Variants in ZNF804A observed in about 807,000 individuals in gnomAD.
ZNF804A encodes the protein zinc finger protein 804A.
ZNF804A carries 2 observed loss-of-function variants against 16.5 expected under a neutral mutation model. The observed-to-expected ratio is 0.12, with a 90% CI of 0.05 to 0.38. The LOEUF is 0.38. Ranked by LOEUF, ZNF804A falls within the 10% of genes least tolerant of loss-of-function variation. ZNF804A has a pLI of 0.99. For synonymous variants in ZNF804A, 534 were observed against 489.6 expected, an observed-to-expected ratio of 1.09 and a Z score of -1.20; for missense variants, 1,473 against 1,390.7, an observed-to-expected ratio of 1.06 and a Z score of -0.94.
chr2:184,869,423 G>A (rs911058867), intron 2 of ZNF804A, among the ~76,000 whole-genome samples: 1 of 151,890 alleles, frequency 6.6e-6, no homozygotes, highest in African/African-American at 2.4e-5. Context: ...AAAAAGGGAG[G>A]AGGATTTATT....
At chr2:184,612,188 T>C (rs1209202175) in intron 1 of ZNF804A, among the ~76,000 whole-genome samples, 1 of 152,178 alleles carries the variant, frequency 6.6e-6, no homozygotes, top group Non-Finnish European at 1.5e-5. Flanking sequence ...TGAAATAATA[T>C]GTGAAATTTT....
chr2:184,603,122 A>G (rs1419292138), intron 1 of ZNF804A, among the ~76,000 whole-genome samples: 6 of 152,188 alleles, frequency 3.9e-5, no homozygotes, highest in African/African-American at 1.2e-4. Context: ...ATGTTCCGCA[A>G]GAAAAGAACT....
At chr2:184,892,537 T>G (rs1336514008) in intron 2 of ZNF804A, among the ~76,000 whole-genome samples, 2 of 139,224 alleles carry the variant, frequency 1.4e-5, no homozygotes, top group Non-Finnish European at 3.0e-5. Context: ...TAGGCTGGAG[T>G]GCAGTGGCTC....
intron 2 of ZNF804A, among the ~76,000 whole-genome samples, chr2:184,894,433 T>C (rs1685034151): frequency 6.6e-6 from 1 of 152,104 alleles, no homozygotes. Flanking sequence ...ATTTTTACTA[T>C]TAAAAATTTT....
At chr2:184,720,880 C>T (rs1289288766) in intron 1 of ZNF804A, among the ~76,000 whole-genome samples, 2 of 152,056 alleles carry the variant, frequency 1.3e-5, no homozygotes, top group Non-Finnish European at 2.9e-5. Flanking sequence ...CAGCATAATA[C>T]TGATACAAAA....
intron 2 of ZNF804A, among the ~76,000 whole-genome samples, chr2:184,867,536 G>A (rs1318133431): frequency 6.6e-6 from 1 of 152,060 alleles, no homozygotes; most frequent in African/African-American, 2.4e-5. Context: ...AGAGGATGGT[G>A]TAGGGAAGAA....
chr2:184,649,804 A>T (rs1691949501), intron 1 of ZNF804A, among the ~76,000 whole-genome samples: 2 of 150,376 alleles, frequency 1.3e-5, no homozygotes, highest in African/African-American at 4.9e-5. Flanking sequence ...AAATTGAATC[A>T]ATTATTTAAA....
intron 1 of ZNF804A, among the ~76,000 whole-genome samples, chr2:184,649,399 AAAGCTACCAG>A (rs1219406352): frequency 6.6e-6 from 1 of 152,130 alleles, no homozygotes; most frequent in African/African-American, 2.4e-5. Context: ...AACTAACCCC[AAAGCTACCAG>A]ATGAAAAGAA....
intron 1 of ZNF804A, among the ~76,000 whole-genome samples, chr2:184,832,464 C>T (rs577265891): frequency 6.1e-4 from 93 of 152,048 alleles, no homozygotes; most frequent in African/African-American, 2.2e-3. Context: ...GCAATGAAAT[C>T]GGTTAATTTG....
At chr2:184,709,607 A>C (rs1366361347) in intron 1 of ZNF804A, among the ~76,000 whole-genome samples, 1 of 151,724 alleles carries the variant, frequency 6.6e-6, no homozygotes, top group Non-Finnish European at 1.5e-5. Context: ...TAAAGTATCA[A>C]AAAAACCTCG....
At chr2:184,617,744 C>T (rs947448628) in intron 1 of ZNF804A, among the ~76,000 whole-genome samples, 32 of 151,490 alleles carry the variant, frequency 2.1e-4, no homozygotes, top group Non-Finnish European at 3.7e-4. Context: ...ATATTCTAAA[C>T]ACCTTTGATT....
At chr2:184,910,770 C>G (rs1028814220) in intron 2 of ZNF804A, among the ~76,000 whole-genome samples, 1 of 151,922 alleles carries the variant, frequency 6.6e-6, no homozygotes, top group African/African-American at 2.4e-5. Flanking sequence ...ACTTGTATAT[C>G]TTCTTTTGAG....
At chr2:184,707,796 T>C (rs1693055678) in intron 1 of ZNF804A, among the ~76,000 whole-genome samples, 1 of 152,176 alleles carries the variant, frequency 6.6e-6, no homozygotes, top group African/African-American at 2.4e-5. Context: ...TATTTTCTTT[T>C]GGATATATAC....
At chr2:184,810,056 G>T (rs1334028561) in intron 1 of ZNF804A, among the ~76,000 whole-genome samples, 2 of 152,066 alleles carry the variant, frequency 1.3e-5, no homozygotes, top group Non-Finnish European at 2.9e-5. Context: ...ATTATGAATG[G>T]ACAAACTATC....
intron 1 of ZNF804A, among the ~76,000 whole-genome samples, chr2:184,738,365 G>A (rs1281045196): frequency 1.3e-5 from 2 of 151,974 alleles, no homozygotes; most frequent in East Asian, 1.9e-4. Flanking sequence ...AAAAAACATG[G>A]ACAATTAGAG....
chr2:184,733,654 T>A (rs879783510), intron 1 of ZNF804A, among the ~76,000 whole-genome samples: 1 of 152,194 alleles, frequency 6.6e-6, no homozygotes, highest in Admixed American at 6.5e-5. Flanking sequence ...GAGCTTTGTA[T>A]GTTCTGTTTT....
intron 1 of ZNF804A, among the ~76,000 whole-genome samples, chr2:184,739,571 T>C (rs1027706116): frequency 1.6e-4 from 24 of 152,090 alleles, no homozygotes; most frequent in African/African-American, 5.3e-4. Context: ...TTTTTTTTAT[T>C]AGTAGAGACA....
intron 2 of ZNF804A, among the ~76,000 whole-genome samples, chr2:184,871,109 T>C (rs1695967066): frequency 6.6e-6 from 1 of 151,230 alleles, no homozygotes; most frequent in East Asian, 1.9e-4. Context: ...ACAAAATAAA[T>C]AGATCTTCCA....
At chr2:184,931,121 G>C (rs1685692045) in intron 2 of ZNF804A, among the ~76,000 whole-genome samples, 1 of 152,174 alleles carries the variant, frequency 6.6e-6, no homozygotes, top group African/African-American at 2.4e-5. Context: ...ACCTCTTCCT[G>C]GCTGCTTTCA....
Sources: gnomAD v4.1 joint callset for allele counts (sites outside exome capture counted in the v4.1 genomes callset) on GRCh38, gnomAD v4.1.1 for gene constraint, MANE v1.5 for transcripts, NCBI Gene and HGNC (gene_info 2026-07-23, HGNC 2026-07-21) for gene names.